Variants in ZC3H8 observed in about 807,000 individuals in gnomAD.
ZC3H8 encodes zinc finger CCCH-type containing 8, also known as zinc finger CCCH domain-containing protein 8.
In ZC3H8, 27 loss-of-function variants were observed where a neutral mutation model predicts 42.5. The ratio of observed to expected loss-of-function variants is 0.64; its 90% CI spans 0.47 to 0.88. The LOEUF (loss-of-function observed/expected upper bound fraction) is 0.88, where lower values mean the gene tolerates loss of function less well. ZC3H8 is among the 40% of genes least tolerant of loss of function. The pLI, the probability that ZC3H8 is intolerant of heterozygous loss-of-function variation, is 0.00. For synonymous variants in ZC3H8, 101 were observed against 110.1 expected, an observed-to-expected ratio of 0.92 and a Z score of 0.52; for missense variants, 277 against 336.1, an observed-to-expected ratio of 0.82 and a Z score of 1.37.
At chr2:112,226,712 A>G (rs1684858624) in intron 8 of ZC3H8, among the ~76,000 whole-genome samples, 1 of 152,050 alleles carries the variant, frequency 6.6e-6, no homozygotes, top group East Asian at 1.9e-4. Context: ...AACTCATTCT[A>G]GGAGGCCAGT....
At position 112,233,341 on chromosome 2, in the gene ZC3H8, C is replaced by A; in HGVS notation, c.652G>T (p.Glu218Ter). The A allele has an allele frequency of 6.3e-7, 1 of 1,595,414 alleles. No homozygotes were observed. The highest frequency in any genetic ancestry group is 8.5e-7 in the Non-Finnish European group (1 of 1,169,946). The part of the protein sequence containing the change: ...GDQCKFDHDA[E>*]IEKKKEMCKF... ...CACATTTCCTTTTTCTTTTCTATCT[C>A]TGCATCATGATCAAATTTACACTGG... Residue 218 changes from glutamate (E) to a stop codon, truncating the protein, a stop_gained, in exon 6 of 9, where the codon GAG becomes TAG. Coordinates refer to ENST00000409573, the MANE Select transcript of ZC3H8 (RefSeq NM_032494.3). LOFTEE classifies it high-confidence loss of function.
Position 112,234,123 on chromosome 2 carries a change from A to G in ZC3H8, c.618T>C (p.Ile206=), listed in dbSNP as rs982298567. 1 of 1,550,240 alleles carries G rather than the reference A, an allele frequency of 6.5e-7. No individual in the cohort carries two copies. Among genetic ancestry groups the G allele is most frequent in the Non-Finnish European group, 8.8e-7 (1 of 1,139,334 alleles). The change falls in exon 5 of 9, where the codon ATT becomes ATC. Residue 206 remains isoleucine (I), a synonymous_variant. Coordinates refer to ENST00000409573, the MANE Select transcript of ZC3H8 (RefSeq NM_032494.3). ...TTTTGCTTACACATTTTTATACCTT[A>G]ATACATTTCCTTTCAAGAAAATATT... ...ICKYFLERKC[I]KGDQCKFDHD...
intron 8 of ZC3H8, among the ~76,000 whole-genome samples, chr2:112,221,374 C>T (rs777824975): frequency 8.5e-5 from 13 of 152,062 alleles, no homozygotes; most frequent in East Asian, 5.8e-4. Context: ...GCTGGCCATG[C>T]GACATGCTGG....
At chr2:112,231,023 A>G in intron 7 of ZC3H8, 73 bp from the exon 8 acceptor site, 1 of 944,244 alleles carries the variant, frequency 1.1e-6, no homozygotes, top group Non-Finnish European at 1.4e-6. Flanking sequence ...TCATATTCAT[A>G]ACTTTCAAAT....
intron 1 of ZC3H8, 129 bp downstream of exon 1, chr2:112,254,779 C>T (rs1686067545): frequency 3.6e-6 from 4 of 1,118,044 alleles, no homozygotes; most frequent in Non-Finnish European, 3.8e-6. Context: ...CCGGCCGGCC[C>T]ACGTGCTCCC....
intron 4 of ZC3H8, 89 bp from the exon 5 acceptor site, chr2:112,234,325 A>AG: frequency 9.9e-7 from 1 of 1,009,138 alleles, no homozygotes; most frequent in Non-Finnish European, 1.4e-6. Flanking sequence ...AACCAACTTC[A>AG]GAGCCTTAAA....
At chr2:112,242,208 G>A (rs1247988497) in intron 2 of ZC3H8, among the ~76,000 whole-genome samples, 1 of 152,200 alleles carries the variant, frequency 6.6e-6, no homozygotes, top group African/African-American at 2.4e-5. Context: ...AATCCGCTCT[G>A]CCACCTGTGT....
chr2:112,228,699 A>T (rs1684957085), intron 8 of ZC3H8, among the ~76,000 whole-genome samples: 1 of 152,214 alleles, frequency 6.6e-6, no homozygotes, highest in South Asian at 2.1e-4. Context: ...TCTTAGATAC[A>T]ACACGGAAAG....
At chr2:112,219,379 AT>A (rs1428373150) in intron 8 of ZC3H8, among the ~76,000 whole-genome samples, 1 of 152,230 alleles carries the variant, frequency 6.6e-6, no homozygotes, top group Non-Finnish European at 1.5e-5. Context: ...GGATCTCCTC[AT>A]GCAAAACAGT....
chr2:112,242,754 G>GA (rs1011160928), intron 2 of ZC3H8, among the ~76,000 whole-genome samples: 4 of 152,060 alleles, frequency 2.6e-5, no homozygotes, highest in African/African-American at 7.2e-5. Context: ...GAGAGTAACA[G>GA]AAAAATTAGA....
intron 8 of ZC3H8, among the ~76,000 whole-genome samples, chr2:112,218,205 A>G (rs575172957): frequency 6.6e-6 from 1 of 152,340 alleles, no homozygotes; most frequent in South Asian, 2.1e-4. Context: ...TATTGAAAAG[A>G]CTGTATATGA....
At chr2:112,236,920 G>A (rs1685360342) in intron 3 of ZC3H8, among the ~76,000 whole-genome samples, 1 of 152,134 alleles carries the variant, frequency 6.6e-6, no homozygotes, top group South Asian at 2.1e-4. Flanking sequence ...GCTGGGTGTG[G>A]TGGTGCACGC....
chr2:112,223,073 C>A (rs968808151), intron 8 of ZC3H8, among the ~76,000 whole-genome samples: 2 of 151,372 alleles, frequency 1.3e-5, no homozygotes, highest in African/African-American at 4.9e-5. Context: ...AACATTTGGA[C>A]ACAGGGTGGG....
intron 2 of ZC3H8, among the ~76,000 whole-genome samples, chr2:112,248,889 T>C (rs1685848748): frequency 6.6e-6 from 1 of 152,160 alleles, no homozygotes; most frequent in Non-Finnish European, 1.5e-5. Flanking sequence ...CAGTGACTGA[T>C]TTCCTTATAA....
At position 112,241,238 on chromosome 2, in the gene ZC3H8, A is replaced by G. The variant is rs551982041; in HGVS notation, c.157-2710T>C. ...CTCTCCAGAACACAACCACCCAGGT[A>G]CTTTCCCTAGGAAAAAAAGAGAAGG... is the stretch of plus-strand genomic sequence containing the variant. On this transcript the variant is annotated intron_variant, in intron 2 of 8. Transcript: ENST00000409573. 7.4e-4 allele frequency among the ~76,000 whole-genome samples: 112 copies of G among 152,290 alleles called. 1 individual carries two copies. The highest frequency in any genetic ancestry group is 2.5e-3 in the African/African-American group (102 of 41,568).
chr2:112,215,811 G>A lies in ZC3H8; in HGVS notation c.*673C>T, dbSNP rs895714790. 9 of 152,056 alleles carry A rather than the reference G, an allele frequency of 5.9e-5. No individual in the cohort carries two copies. The highest frequency in any genetic ancestry group is 7.4e-5 in the Non-Finnish European group (5 of 68,010). The allele number at this position is 152,056 out of a possible 1,614,324, so 9.4% of individuals were successfully genotyped here. ...CTGACTACAGTTTATAAACCAATGA[G>A]AAAGATAAATATTCTTATATTTTAA... is the stretch of plus-strand genomic sequence containing the variant. On this transcript the variant is annotated 3_prime_UTR_variant, in exon 9 of 9. Coordinates refer to ENST00000409573, the MANE Select transcript of ZC3H8 (RefSeq NM_032494.3).
At chr2:112,242,738 T>G (rs1246434080) in intron 2 of ZC3H8, among the ~76,000 whole-genome samples, 1 of 152,148 alleles carries the variant, frequency 6.6e-6, no homozygotes, top group Admixed American at 6.5e-5. Flanking sequence ...TATTCCCAAC[T>G]CACAAGAGAG....
chr2:112,254,592 C>A (rs1358660804), intron 1 of ZC3H8, among the ~76,000 whole-genome samples: 3 of 152,244 alleles, frequency 2.0e-5, no homozygotes, highest in Admixed American at 2.0e-4. Context: ...CAGAGGCGGG[C>A]TCCTCACCCG....
chr2:112,224,337 T>C (rs1009844951), intron 8 of ZC3H8, among the ~76,000 whole-genome samples: 26 of 152,304 alleles, frequency 1.7e-4, no homozygotes, highest in African/African-American at 6.0e-4. Context: ...TCAACATCTC[T>C]TCCTGATTAT....
Sources: gnomAD v4.1 joint callset for allele counts (sites outside exome capture counted in the v4.1 genomes callset) on GRCh38, gnomAD v4.1.1 for gene constraint, MANE v1.5 for transcripts, NCBI Gene and HGNC (gene_info 2026-07-23, HGNC 2026-07-21) for gene names.